BRAF: variants seen among roughly 807,000 people sequenced by gnomAD.
BRAF encodes the protein B-Raf proto-oncogene, serine/threonine kinase.
In BRAF, 16 loss-of-function variants were observed where a neutral mutation model predicts 104.6. The observed-to-expected ratio is 0.15, with a 90% CI of 0.10 to 0.23. The LOEUF is 0.23. Among genes scored for constraint, BRAF ranks in the 10% least tolerant of loss-of-function variants. The probability of loss-of-function intolerance (pLI) is 1.00; values close to 1 mark genes in which losing one functional copy is unlikely to be tolerated. For synonymous variants in BRAF, 310 were observed against 341.6 expected, an observed-to-expected ratio of 0.91 and a Z score of 1.02; for missense variants, 541 against 937.3, an observed-to-expected ratio of 0.58 and a Z score of 5.52.
chr7:140,793,523 T>C (rs1373214330), intron 8 of BRAF, among the ~76,000 whole-genome samples: 1 of 151,990 alleles, frequency 6.6e-6, no homozygotes, highest in Non-Finnish European at 1.5e-5. Context: ...TTTATATTAA[T>C]ATTTAATAAA....
chr7:140,812,531 T>TA (rs928126935), intron 3 of BRAF, among the ~76,000 whole-genome samples: 6 of 152,214 alleles, frequency 3.9e-5, no homozygotes. Flanking sequence ...CTTCTCTACA[T>TA]ATGCTGATCC....
At chr7:140,845,824 C>A (rs754142574) in intron 2 of BRAF, among the ~76,000 whole-genome samples, 1 of 151,952 alleles carries the variant, frequency 6.6e-6, no homozygotes, top group African/African-American at 2.4e-5. Context: ...ATTACAGGTG[C>A]GCACCACTAC....
At chr7:140,805,362 T>A (rs954586422) in intron 5 of BRAF, among the ~76,000 whole-genome samples, 6 of 152,218 alleles carry the variant, frequency 3.9e-5, no homozygotes, top group African/African-American at 1.2e-4. Flanking sequence ...TTAAAATCTT[T>A]AAAATTTTTT....
intron 5 of BRAF, among the ~76,000 whole-genome samples, chr7:140,807,295 A>G (rs974511388): frequency 2.6e-5 from 4 of 152,204 alleles, no homozygotes; most frequent in African/African-American, 7.2e-5. Context: ...TATATGCAGA[A>G]AGACCTTGTT....
chr7:140,884,158 C>T (rs567877494), intron 1 of BRAF: 1 of 152,076 alleles, frequency 6.6e-6, no homozygotes, highest in African/African-American at 2.4e-5. Context: ...CATGCAAATT[C>T]ATGAAGCACT....
chr7:140,724,124 C>A lies in BRAF; in HGVS notation c.*2370G>T. On this transcript the variant is annotated 3_prime_UTR_variant, in exon 20 of 20. Transcript: ENST00000644969. Reference sequence around the variant, plus strand: ...TGAGATACCAGCCTATTCTAAAATGCAAGGGAAGAAAAAGTGTATCACCCT... The same window carrying A: ...TGAGATACCAGCCTATTCTAAAATGAAAGGGAAGAAAAAGTGTATCACCCT... The A allele has an allele frequency of 9.5e-7, 1 of 1,052,526 alleles. No homozygotes were observed. The highest frequency in any genetic ancestry group is 1.1e-6 in the Non-Finnish European group (1 of 871,314). The allele number at this position is 1,052,526 out of a possible 1,614,324, so 65.2% of individuals were successfully genotyped here. A position where few individuals can be genotyped will look rare whatever the true frequency, so the allele number is the denominator to read the frequency against.
At chr7:140,908,141 T>C (rs987275236) in intron 1 of BRAF, among the ~76,000 whole-genome samples, 2 of 152,210 alleles carry the variant, frequency 1.3e-5, no homozygotes, top group African/African-American at 4.8e-5. Context: ...ATTTGCAACA[T>C]TTGAAGATTT....
Position 140,719,896 on chromosome 7 carries a change from GAA to G in BRAF, c.*6596_*6597del. 2.8e-6 allele frequency: 3 copies of G among 1,062,566 alleles called. No individual in the cohort carries two copies. Among genetic ancestry groups the G allele is most frequent in the Non-Finnish European group, 3.4e-6 (3 of 877,540 alleles). 65.8% of individuals were successfully genotyped at this position (1,062,566 alleles called of 1,614,324 possible). Reference sequence around the variant, plus strand: ...TAAACCCGAACCTTTGGCAGTAACAGAAAAGAGGAATGTGTGTGTGAGTCGCC... The same window carrying G: ...TAAACCCGAACCTTTGGCAGTAACAGAAGAGGAATGTGTGTGTGAGTCGCC... On this transcript the variant is annotated 3_prime_UTR_variant, in exon 20 of 20. Coordinates refer to ENST00000644969, the MANE Select transcript of BRAF (RefSeq NM_001374258.1).
At chr7:140,919,302 A>G (rs1042206842) in intron 1 of BRAF, among the ~76,000 whole-genome samples, 1 of 152,164 alleles carries the variant, frequency 6.6e-6, no homozygotes, top group Non-Finnish European at 1.5e-5. Context: ...AATGAAAACG[A>G]CGCTTTATCC....
Position 140,726,014 on chromosome 7 carries a change from G to A in BRAF, c.*480C>T. On this transcript the variant is annotated 3_prime_UTR_variant, in exon 20 of 20. Coordinates refer to ENST00000644969, the MANE Select transcript of BRAF (RefSeq NM_001374258.1). ...TCCATCCCTCAGAAACTAACTGGTGGTCACTAGGGGAAAGAGCTCCAAAAC... is the reference window on the plus strand; with the variant it reads ...TCCATCCCTCAGAAACTAACTGGTGATCACTAGGGGAAAGAGCTCCAAAAC... The A allele has an allele frequency of 2.8e-6, 3 of 1,069,238 alleles. No individual in the cohort carries two copies. The highest frequency in any genetic ancestry group is 3.4e-6 in the Non-Finnish European group (3 of 882,056). 66.2% of individuals were successfully genotyped at this position (1,069,238 alleles called of 1,614,324 possible). A position where few individuals can be genotyped will look rare whatever the true frequency, so the allele number is the denominator to read the frequency against.
At chr7:140,921,056 AAC>A (rs965828102) in intron 1 of BRAF, among the ~76,000 whole-genome samples, 1 of 152,202 alleles carries the variant, frequency 6.6e-6, no homozygotes, top group African/African-American at 2.4e-5. Context: ...ATTATAATTA[AAC>A]AGTTTAAGAC....
intron 1 of BRAF, among the ~76,000 whole-genome samples, chr7:140,905,570 T>C (rs2129133698): frequency 6.6e-6 from 1 of 152,354 alleles, no homozygotes; most frequent in Middle Eastern, 3.4e-3. Flanking sequence ...TTTTGGAAAT[T>C]CAGTGTAACA....
intron 11 of BRAF, 76 bp downstream of exon 10, chr7:140,782,945 A>G: frequency 6.6e-7 from 1 of 1,504,378 alleles, no homozygotes; most frequent in South Asian, 1.1e-5. Context: ...TAATATATCT[A>G]AAGGATAATA....
chr7:140,841,847 C>A (rs927927671), intron 2 of BRAF, among the ~76,000 whole-genome samples: 12 of 151,774 alleles, frequency 7.9e-5, no homozygotes, highest in African/African-American at 2.9e-4. Flanking sequence ...AAAAGTTAAT[C>A]GTATAGTATG....
At chr7:140,804,996 G>A (rs928158754) in intron 5 of BRAF, among the ~76,000 whole-genome samples, 5 of 151,434 alleles carry the variant, frequency 3.3e-5, no homozygotes, top group Non-Finnish European at 7.4e-5. Flanking sequence ...GAGAGATGAG[G>A]TTTTGTCATG....
rs1033525510 is a variant in BRAF, at chr7:140,723,130, G to C, written c.*3364C>G. 6 of 1,051,800 alleles carry C rather than the reference G, an allele frequency of 5.7e-6. No homozygotes were observed. The highest frequency in any genetic ancestry group is 1.7e-5 in the African/African-American group (1 of 60,230). 65.2% of individuals were successfully genotyped at this position (1,051,800 alleles called of 1,614,324 possible). ...CCCTGCAATGTGGTTTCGAACTAAA[G>C]CTAGAGATGAGGTTTGCAAGCAGCT... On this transcript the variant is annotated 3_prime_UTR_variant, in exon 20 of 20. Transcript: ENST00000644969.
intron 3 of BRAF, among the ~76,000 whole-genome samples, chr7:140,813,888 T>TATAC (rs1804547520): frequency 6.8e-6 from 1 of 147,376 alleles, no homozygotes; most frequent in South Asian, 2.1e-4. Context: ...GACGCATACA[T>TATAC]ACACACACAC....
intron 19 of BRAF, among the ~76,000 whole-genome samples, chr7:140,728,699 G>C (rs1795754598): frequency 6.6e-6 from 1 of 152,052 alleles, no homozygotes; most frequent in African/African-American, 2.4e-5. Context: ...ATAATTTTAA[G>C]GTTGCTATTT....
intron 1 of BRAF, among the ~76,000 whole-genome samples, chr7:140,861,885 G>A (rs983269933): frequency 3.3e-5 from 5 of 152,014 alleles, no homozygotes; most frequent in Admixed American, 2.6e-4. Context: ...AAAGAGGGAA[G>A]ATACTGAAGG....
Sources: gnomAD v4.1 joint callset for allele counts (sites outside exome capture counted in the v4.1 genomes callset) on GRCh38, gnomAD v4.1.1 for gene constraint, MANE v1.5 for transcripts, NCBI Gene and HGNC (gene_info 2026-07-23, HGNC 2026-07-21) for gene names.